Variants in PACRGL observed in about 807,000 individuals in gnomAD.
The protein encoded by PACRGL is parkin coregulated like.
Under a neutral mutation model 34.5 loss-of-function variants are expected in PACRGL, and 38 were observed. The observed-to-expected ratio is 1.10, with a 90% CI of 0.85 to 1.44. PACRGL has a LOEUF of 1.44. Ranked by LOEUF, PACRGL falls within the 40% of genes most tolerant of loss-of-function variation. The pLI is 0.00. For missense variants in PACRGL, 305 were observed against 281.4 expected (o/e 1.08, Z -0.60); for synonymous variants, 128 against 100.1 (o/e 1.28, Z -1.66).
In PACRGL at chr4:20,729,829, A is replaced by ATTAC. The variant is rs1560395569; in HGVS notation, c.*2491_*2494dup. On this transcript the variant is annotated 3_prime_UTR_variant, in exon 9 of 9. Transcript: ENST00000503585. Reference sequence around the variant, plus strand: ...CCAATAAAACTATATGCCAGATTCTATTACTTTTGAATATTCACAGAGTAT... The same window carrying ATTAC: ...CCAATAAAACTATATGCCAGATTCTATTACTTACTTTTGAATATTCACAGAGTAT... 1 of 365,746 alleles carries ATTAC rather than the reference A, an allele frequency of 2.7e-6. No homozygotes were observed. The highest frequency in any genetic ancestry group is 2.1e-5 in the African/African-American group (1 of 47,604). The allele number at this position is 365,746 out of a possible 1,614,324, so 22.7% of individuals were successfully genotyped here.
At chr4:20,758,647 T>C in the PACRGL span, among the ~76,000 whole-genome samples, 1 of 152,244 alleles carries the variant, frequency 6.6e-6, no homozygotes, top group African/African-American at 2.4e-5. Context: ...TTTGATAATT[T>C]CTAAGTCGCT....
chr4:20,701,517 A>C (rs145618647), intron 1 of PACRGL: 1 of 171,798 alleles, frequency 5.8e-6, no homozygotes, highest in Admixed American at 5.7e-5. Context: ...TAGTTCTTAC[A>C]GGTTCGCTTC....
intron 7 of PACRGL, among the ~76,000 whole-genome samples, chr4:20,717,166 T>C (rs564658233): frequency 5.1e-4 from 78 of 152,350 alleles, no homozygotes; most frequent in African/African-American, 1.8e-3. Context: ...CTTCACCCAC[T>C]TTTTGATGGG....
downstream of PACRGL, among the ~76,000 whole-genome samples, chr4:20,735,827 G>T (rs564317171): frequency 6.6e-6 from 1 of 152,140 alleles, no homozygotes; most frequent in South Asian, 2.1e-4. Flanking sequence ...GAGCCACCAC[G>T]CCTGGCCAGA....
downstream of PACRGL, among the ~76,000 whole-genome samples, chr4:20,753,935 TTC>T: frequency 7.3e-6 from 1 of 137,818 alleles, no homozygotes; most frequent in Admixed American, 7.4e-5. Context: ...CATTCATTCA[TTC>T]AACAACTGTT....
At chr4:20,754,590 C>T (rs1242269573), downstream of PACRGL, among the ~76,000 whole-genome samples, 1 of 152,264 alleles carries the variant, frequency 6.6e-6, no homozygotes, top group South Asian at 2.1e-4. Context: ...AATCATAATT[C>T]TTTAAAATAT....
At chr4:20,736,135 A>G (rs1192983795), downstream of PACRGL, among the ~76,000 whole-genome samples, 1 of 152,020 alleles carries the variant, frequency 6.6e-6, no homozygotes, top group African/African-American at 2.4e-5. Context: ...TGTTCCTTTC[A>G]CTCATAGACT....
the PACRGL span, among the ~76,000 whole-genome samples, chr4:20,766,297 G>A: frequency 1.3e-5 from 2 of 152,124 alleles, no homozygotes; most frequent in African/African-American, 4.8e-5. Context: ...GGCCAGGCAC[G>A]GTGGGTCATG....
Position 20,744,804 on chromosome 4 carries a change from G to A in PACRGL, c.*57-7761G>A, listed in dbSNP as rs185793112. Among the ~76,000 whole-genome samples the A allele has an allele frequency of 2.6e-3, 394 of 152,144 alleles. 1 individual carries two copies. Among genetic ancestry groups the A allele is most frequent in the African/African-American group, 8.0e-3 (333 of 41,520 alleles). ...TATAAAATAAAAATAAAGATAGCAC[G>A]TTTAAGTCAAGTGTGGACTTGTGTT... On this transcript the variant is annotated intron_variant, in intron 8 of 8. Transcript: ENST00000507634.
At chr4:20,723,180 CAGAAGAA>C (rs1744148467) in intron 7 of PACRGL, among the ~76,000 whole-genome samples, 1 of 152,146 alleles carries the variant, frequency 6.6e-6, no homozygotes, top group East Asian at 1.9e-4. Context: ...AGTCTTATGA[CAGAAGAA>C]AGAGAATCTT....
chr4:20,715,989 A>G lies in PACRGL; in HGVS notation c.609+2450A>G, dbSNP rs896208630. 4.5e-6 allele frequency: 4 copies of G among 880,334 alleles called. No individual in the cohort carries two copies. The Admixed American group carries it at 1.1e-4, about 25-fold the overall frequency. 54.5% of individuals were successfully genotyped at this position (880,334 alleles called of 1,614,324 possible). The stretch of plus-strand genomic sequence containing the variant: ...GTCTTGTGTAATTATATGTTACCAA[A>G]CATGTTTAAGTATTTTTGTTTTTCA... On this transcript the variant is annotated intron_variant, in intron 7 of 8. Transcript: ENST00000503585.
At chr4:20,712,647 G>A in intron 5 of PACRGL, 141 bp from the exon 6 acceptor site, 1 of 812,992 alleles carries the variant, frequency 1.2e-6, no homozygotes, top group South Asian at 4.0e-5. Flanking sequence ...AATTGAAATT[G>A]TAACTACTGA....
chr4:20,731,304 C>T lies in PACRGL; in HGVS notation c.*3963C>T. ...GCCCACATTGGACTCAAAATCCTGG[C>T]CTTAAGTTATCTTCCCGCCTCAGCC... On this transcript the variant is annotated 3_prime_UTR_variant, in exon 9 of 9. Coordinates refer to ENST00000503585, the MANE Select transcript of PACRGL (RefSeq NM_001258345.3). The T allele has an allele frequency of 1.3e-6, 1 of 768,732 alleles. No homozygotes were observed. The allele number at this position is 768,732 out of a possible 1,614,324, so 47.6% of individuals were successfully genotyped here. A position where few individuals can be genotyped will look rare whatever the true frequency, so the allele number is the denominator to read the frequency against.
downstream of PACRGL, among the ~76,000 whole-genome samples, chr4:20,757,880 T>C (rs1467341109): frequency 6.6e-6 from 1 of 152,192 alleles, no homozygotes; most frequent in African/African-American, 2.4e-5. Context: ...GTTCAACTCA[T>C]CTGGAGAGTC....
chr4:20,719,498 T>C (rs1456221361), intron 7 of PACRGL, among the ~76,000 whole-genome samples: 9 of 152,240 alleles, frequency 5.9e-5, no homozygotes, highest in Non-Finnish European at 8.8e-5. Flanking sequence ...CACACTGCTT[T>C]AAATATGTCC....
At chr4:20,701,108 C>T (rs774638026) in intron 1 of PACRGL, among the ~76,000 whole-genome samples, 12 of 152,160 alleles carry the variant, frequency 7.9e-5, no homozygotes, top group Non-Finnish European at 1.3e-4. Flanking sequence ...GGGGCTCTTA[C>T]TTACACGTTT....
intron 7 of PACRGL, chr4:20,716,183 G>A (rs1739877515): frequency 8.5e-7 from 1 of 1,177,898 alleles, no homozygotes; most frequent in Non-Finnish European, 1.2e-6. Context: ...TGGAACTCAG[G>A]AAAGCTGTTA....
rs1289789694 is a variant in PACRGL at position 20,729,832 on chromosome 4, A to ACTT, written c.*2492_*2494dup. 1.6e-4 allele frequency: 60 copies of ACTT among 371,442 alleles called. No individual in the cohort carries two copies. Among genetic ancestry groups the ACTT allele is most frequent in the Non-Finnish European group, 2.5e-4 (52 of 208,220 alleles). The allele number at this position is 371,442 out of a possible 1,614,324, so 23.0% of individuals were successfully genotyped here. The stretch of plus-strand genomic sequence containing the variant: ...ATAAAACTATATGCCAGATTCTATT[A>ACTT]CTTTTGAATATTCACAGAGTATGAA... On this transcript the variant is annotated 3_prime_UTR_variant, in exon 9 of 9. Coordinates refer to ENST00000503585, the MANE Select transcript of PACRGL (RefSeq NM_001258345.3).
intron 6 of PACRGL, 134 bp downstream of exon 6, chr4:20,713,056 C>A: frequency 1.0e-6 from 1 of 978,818 alleles, no homozygotes; most frequent in Non-Finnish European, 1.4e-6. Context: ...GATTCTGACA[C>A]ATTTACAGAA....
Sources: gnomAD v4.1 joint callset for allele counts (sites outside exome capture counted in the v4.1 genomes callset) on GRCh38, gnomAD v4.1.1 for gene constraint, MANE v1.5 for transcripts, NCBI Gene and HGNC (gene_info 2026-07-23, HGNC 2026-07-21) for gene names.